GALNT17: variants seen among roughly 807,000 people sequenced by gnomAD.
GALNT17 encodes the protein polypeptide N-acetylgalactosaminyltransferase 17.
A neutral mutation model predicts 63.7 loss-of-function variants in GALNT17; 29 were observed. That is an observed-to-expected ratio of 0.46 (90% CI 0.34 to 0.62). The LOEUF (loss-of-function observed/expected upper bound fraction) is 0.62. Ranked by LOEUF, GALNT17 falls within the 20% of genes least tolerant of loss-of-function variation. GALNT17 has a pLI of 0.01. For synonymous variants in GALNT17, 305 were observed against 318.3 expected (o/e 0.96, Z 0.45); for missense variants, 603 against 799.6 (o/e 0.75, Z 2.97).
At chr7:71,270,059 A>C (rs571463027) in intron 1 of GALNT17, among the ~76,000 whole-genome samples, 2 of 152,254 alleles carry the variant, frequency 1.3e-5, no homozygotes, top group Non-Finnish European at 2.9e-5. Flanking sequence ...GCTGCCCTAC[A>C]CATTTAATAA....
At chr7:71,491,426 G>T (rs998014351) in intron 5 of GALNT17, among the ~76,000 whole-genome samples, 2 of 152,080 alleles carry the variant, frequency 1.3e-5, no homozygotes, top group Admixed American at 6.6e-5. Flanking sequence ...GATTTATAGC[G>T]AGGTCCATCA....
At chr7:71,325,737 A>G (rs1441431629) in intron 1 of GALNT17, among the ~76,000 whole-genome samples, 2 of 152,166 alleles carry the variant, frequency 1.3e-5, no homozygotes, top group Admixed American at 1.3e-4. Flanking sequence ...AGCGGTGATC[A>G]ACCGTGTGGC....
intron 5 of GALNT17, among the ~76,000 whole-genome samples, chr7:71,523,784 T>TAAAA (rs774919445): frequency 7.0e-6 from 1 of 142,586 alleles, no homozygotes; most frequent in Non-Finnish European, 1.5e-5. Flanking sequence ...AATAAATAAA[T>TAAAA]AATAAAGAAA....
At chr7:71,172,117 A>G (rs1788557338) in intron 1 of GALNT17, among the ~76,000 whole-genome samples, 1 of 152,150 alleles carries the variant, frequency 6.6e-6, no homozygotes, top group African/African-American at 2.4e-5. Flanking sequence ...TATGAAGAAT[A>G]TGAGAGGAGG....
At chr7:71,616,145 A>C (rs1437187828) in intron 6 of GALNT17, among the ~76,000 whole-genome samples, 1 of 152,190 alleles carries the variant, frequency 6.6e-6, no homozygotes, top group Non-Finnish European at 1.5e-5. Context: ...GGGCTTTGTC[A>C]GTGGTGAAGA....
intron 5 of GALNT17, among the ~76,000 whole-genome samples, chr7:71,559,914 G>C (rs931675563): frequency 2.0e-5 from 3 of 150,922 alleles, no homozygotes; most frequent in Non-Finnish European, 2.9e-5. Flanking sequence ...AAAAAAATCA[G>C]CCAGGCGCGG....
intron 1 of GALNT17, among the ~76,000 whole-genome samples, chr7:71,193,774 T>C (rs1007332500): frequency 6.6e-6 from 1 of 152,188 alleles, no homozygotes; most frequent in African/African-American, 2.4e-5. Context: ...ATTGATTTCC[T>C]TTTTGCTTCT....
At chr7:71,265,730 G>T (rs1790481354) in intron 1 of GALNT17, among the ~76,000 whole-genome samples, 1 of 152,174 alleles carries the variant, frequency 6.6e-6, no homozygotes, top group Non-Finnish European at 1.5e-5. Flanking sequence ...TGATGCATGA[G>T]GTCCATGGGT....
At chr7:71,262,164 T>C (rs1790396610) in intron 1 of GALNT17, among the ~76,000 whole-genome samples, 1 of 152,194 alleles carries the variant, frequency 6.6e-6, no homozygotes, top group Non-Finnish European at 1.5e-5. Flanking sequence ...CAGGCTGGAG[T>C]GCAGTGGTGC....
intron 5 of GALNT17, among the ~76,000 whole-genome samples, chr7:71,504,030 C>T (rs561066983): frequency 6.6e-6 from 1 of 152,194 alleles, no homozygotes; most frequent in African/African-American, 2.4e-5. Flanking sequence ...AGATTGAGCC[C>T]ATCCTGGCTA....
Position 71,291,987 on chromosome 7 carries a change from T to G in GALNT17, c.239-43563T>G, listed in dbSNP as rs1189886753. Among the ~76,000 whole-genome samples, 4 of 152,346 alleles carry G rather than the reference T, an allele frequency of 2.6e-5. No individual in the cohort carries two copies. In the East Asian group the frequency reaches 7.7e-4, roughly 29 times the overall value. ...GGTTGGTTCATTTATTTTTCATGGT[T>G]TAATAATAAAAATAATTAGGGCTGT... is the stretch of plus-strand genomic sequence containing the variant. On this transcript the variant is annotated intron_variant, in intron 1 of 10. Transcript: ENST00000333538.
chr7:71,553,836 G>T (rs1051361856), intron 5 of GALNT17, among the ~76,000 whole-genome samples: 1 of 152,158 alleles, frequency 6.6e-6, no homozygotes, highest in Non-Finnish European at 1.5e-5. Flanking sequence ...ATTTTGACAG[G>T]CTGTTATTTG....
chr7:71,651,829 A>C (rs930809949), intron 6 of GALNT17, among the ~76,000 whole-genome samples: 1 of 152,262 alleles, frequency 6.6e-6, no homozygotes, highest in African/African-American at 2.4e-5. Context: ...CTCCTACCTC[A>C]ACCACCTGAG....
intron 5 of GALNT17, among the ~76,000 whole-genome samples, chr7:71,467,409 T>A (rs1334937366): frequency 6.6e-6 from 1 of 152,196 alleles, no homozygotes; most frequent in African/African-American, 2.4e-5. Context: ...GGAGTAAATA[T>A]CAGTTGTCTG....
chr7:71,275,558 G>T (rs1329020989), intron 1 of GALNT17, among the ~76,000 whole-genome samples: 4 of 152,118 alleles, frequency 2.6e-5, no homozygotes, highest in African/African-American at 4.8e-5. Context: ...GGGCTGTTAG[G>T]GTCACCATGG....
chr7:71,243,368 T>C (rs1204643198), intron 1 of GALNT17, among the ~76,000 whole-genome samples: 3 of 152,158 alleles, frequency 2.0e-5, no homozygotes, highest in Non-Finnish European at 4.4e-5. Context: ...AGATATGTCT[T>C]TATGGCAGTG....
chr7:71,534,336 A>G (rs1238492296), intron 5 of GALNT17, among the ~76,000 whole-genome samples: 1 of 152,100 alleles, frequency 6.6e-6, no homozygotes, highest in Non-Finnish European at 1.5e-5. Context: ...ACAGTGTGTC[A>G]CACCTGTAAT....
At chr7:71,606,176 A>C (rs1348186365) in intron 6 of GALNT17, among the ~76,000 whole-genome samples, 1 of 146,860 alleles carries the variant, frequency 6.8e-6, no homozygotes, top group African/African-American at 2.5e-5. Flanking sequence ...GCTGGTCTCA[A>C]ACTCCTGGGC....
intron 6 of GALNT17, among the ~76,000 whole-genome samples, chr7:71,664,328 G>C (rs866923066): frequency 1.3e-5 from 2 of 152,186 alleles, no homozygotes; most frequent in Non-Finnish European, 2.9e-5. Context: ...TGTAGAACTA[G>C]GCTGGGAGTA....
Sources: allele counts gnomAD v4.1 joint callset (sites outside exome capture counted in the v4.1 genomes callset), GRCh38; gene constraint gnomAD v4.1.1; transcripts MANE v1.5; gene names NCBI Gene and HGNC (gene_info 2026-07-23, HGNC 2026-07-21).